FHL5: variants seen among roughly 807,000 people sequenced by gnomAD.
FHL5 encodes the protein four and a half LIM domains 5.
Under a neutral mutation model 32.0 loss-of-function variants are expected in FHL5, and 33 were observed. The observed-to-expected ratio is 1.03, with a 90% CI of 0.78 to 1.38. The LOEUF is 1.38. FHL5 is among the 40% of genes most tolerant of loss of function. The pLI, the probability that FHL5 is intolerant of heterozygous loss-of-function variation, is 0.00. For missense variants in FHL5, 336 were observed against 343.9 expected, an observed-to-expected ratio of 0.98 and a Z score of 0.18; for synonymous variants, 114 against 113.6, an observed-to-expected ratio of 1.00 and a Z score of -0.02.
At position 96,615,914 on chromosome 6, in the gene FHL5, C is replaced by G; in HGVS notation, c.*142C>G. On this transcript the variant is annotated 3_prime_UTR_variant, in exon 6 of 6. Transcript: ENST00000450218. ...GAAAAGTTTTTGCACACATTTTGAT[C>G]GAACTATATTCTAAGCACACAAAAA... The G allele has an allele frequency of 1.6e-6, 1 of 611,020 alleles. No individual in the cohort carries two copies. The highest frequency in any genetic ancestry group is 3.0e-5 in the East Asian group (1 of 33,034). 37.8% of individuals were successfully genotyped at this position (611,020 alleles called of 1,614,324 possible). A position where few individuals can be genotyped will look rare whatever the true frequency, so the allele number is the denominator to read the frequency against.
intron 1 of FHL5, among the ~76,000 whole-genome samples, chr6:96,599,113 A>G (rs1324289287): frequency 6.6e-6 from 1 of 152,126 alleles, no homozygotes; most frequent in Non-Finnish European, 1.5e-5. Context: ...ACTATAAAAT[A>G]CAAAAATAGC....
intron 1 of FHL5, among the ~76,000 whole-genome samples, chr6:96,565,732 C>T (rs1409236099): frequency 6.6e-6 from 1 of 151,940 alleles, no homozygotes; most frequent in Admixed American, 6.6e-5. Context: ...GAGAAATATG[C>T]TTCTTGGGCT....
intron 1 of FHL5, among the ~76,000 whole-genome samples, chr6:96,568,730 G>A (rs946914105): frequency 5.9e-5 from 9 of 151,860 alleles, no homozygotes; most frequent in Middle Eastern, 6.8e-3. Flanking sequence ...TTTCTGTCAG[G>A]TCTTCTAAAG....
intron 1 of FHL5, among the ~76,000 whole-genome samples, chr6:96,572,431 G>A (rs1011789716): frequency 6.6e-6 from 1 of 152,138 alleles, no homozygotes; most frequent in Middle Eastern, 3.4e-3. Flanking sequence ...GACCCCACAG[G>A]AAAAAGTGTT....
intron 1 of FHL5, among the ~76,000 whole-genome samples, chr6:96,592,423 A>G (rs1331166714): frequency 2.0e-5 from 3 of 152,128 alleles, no homozygotes; most frequent in African/African-American, 7.2e-5. Context: ...TCCCTTGAAC[A>G]TTGCTGTTAT....
chr6:96,585,976 C>T (rs543032659), intron 1 of FHL5, among the ~76,000 whole-genome samples: 179 of 152,204 alleles, frequency 1.2e-3, no homozygotes, highest in African/African-American at 4.0e-3. Context: ...TTGCACAGTT[C>T]CATGGTAGCT....
rs1230506293 is a variant in FHL5 at position 96,586,165 on chromosome 6, T to C, written c.-12-17437T>C. On this transcript the variant is annotated intron_variant, in intron 1 of 5. Transcript: ENST00000450218. ...GTGAGCACAACTTCCATGACCACTA[T>C]GAGCACACAAAGCCCTTTCTTGTTT... Among the ~76,000 whole-genome samples, 3 of 152,350 alleles carry C rather than the reference T, an allele frequency of 2.0e-5. No homozygotes were observed. The South Asian group carries it at 6.2e-4, about 32-fold the overall frequency.
chr6:96,572,795 A>G (rs1485404810), intron 1 of FHL5, among the ~76,000 whole-genome samples: 1 of 152,176 alleles, frequency 6.6e-6, no homozygotes, highest in African/African-American at 2.4e-5. Context: ...CCTCACCATA[A>G]GAAGTTCCTC....
chr6:96,578,671 A>G (rs1770635877), intron 1 of FHL5, among the ~76,000 whole-genome samples: 1 of 151,976 alleles, frequency 6.6e-6, no homozygotes, highest in Non-Finnish European at 1.5e-5. Flanking sequence ...TCGAAACCCC[A>G]TCTCTACAAA....
chr6:96,611,698 G>A (rs978464337), intron 5 of FHL5, among the ~76,000 whole-genome samples: 1 of 152,008 alleles, frequency 6.6e-6, no homozygotes, highest in Non-Finnish European at 1.5e-5. Context: ...CAAATATGTG[G>A]CAAAATAAAA....
chr6:96,576,599 C>A (rs1770589428), intron 1 of FHL5, among the ~76,000 whole-genome samples: 1 of 152,220 alleles, frequency 6.6e-6, no homozygotes, highest in Non-Finnish European at 1.5e-5. Flanking sequence ...ACCTACAGAA[C>A]TAAAGTGTAT....
chr6:96,577,948 A>AG (rs1439682940), intron 1 of FHL5, among the ~76,000 whole-genome samples: 1 of 151,978 alleles, frequency 6.6e-6, no homozygotes, highest in African/African-American at 2.4e-5. Flanking sequence ...TTTCAAAAAA[A>AG]AAAAAAAAAA....
intron 1 of FHL5, among the ~76,000 whole-genome samples, chr6:96,578,685 T>C (rs967061789): frequency 6.6e-6 from 1 of 151,860 alleles, no homozygotes; most frequent in Non-Finnish European, 1.5e-5. Flanking sequence ...CTACAAAAAA[T>C]ACAAAAATAA....
At chr6:96,583,761 C>T (rs1433396055) in intron 1 of FHL5, among the ~76,000 whole-genome samples, 1 of 152,014 alleles carries the variant, frequency 6.6e-6, no homozygotes, top group East Asian at 1.9e-4. Context: ...AAGTAAAAAA[C>T]TCTCCCTGCC....
At chr6:96,575,093 T>C (rs1008895656) in intron 1 of FHL5, among the ~76,000 whole-genome samples, 3 of 152,342 alleles carry the variant, frequency 2.0e-5, no homozygotes, top group Non-Finnish European at 4.4e-5. Flanking sequence ...ATTTAAACTA[T>C]AATAACTAGC....
At chr6:96,613,090 G>C (rs1438148251) in intron 5 of FHL5, among the ~76,000 whole-genome samples, 1 of 152,046 alleles carries the variant, frequency 6.6e-6, no homozygotes, top group Non-Finnish European at 1.5e-5. Flanking sequence ...ATTGCTAAGA[G>C]AATAGATTTT....
chr6:96,586,595 C>T (rs973098528), intron 1 of FHL5, among the ~76,000 whole-genome samples: 1 of 152,140 alleles, frequency 6.6e-6, no homozygotes, highest in Non-Finnish European at 1.5e-5. Flanking sequence ...AAGAAATTAG[C>T]AGTTTACAAA....
intron 1 of FHL5, among the ~76,000 whole-genome samples, chr6:96,573,042 G>A (rs922435608): frequency 9.2e-5 from 14 of 152,186 alleles, no homozygotes; most frequent in East Asian, 7.7e-4. Flanking sequence ...AAGATTAACC[G>A]TTCTCCTGAT....
chr6:96,576,767 C>A (rs1307370350), intron 1 of FHL5, among the ~76,000 whole-genome samples: 1 of 152,184 alleles, frequency 6.6e-6, no homozygotes, highest in African/African-American at 2.4e-5. Flanking sequence ...CGGACACAAC[C>A]CTAAACAGGA....
Sources: gnomAD v4.1 joint callset for allele counts (sites outside exome capture counted in the v4.1 genomes callset) on GRCh38, gnomAD v4.1.1 for gene constraint, MANE v1.5 for transcripts, NCBI Gene and HGNC (gene_info 2026-07-23, HGNC 2026-07-21) for gene names.